Variants in DOCK8 observed in about 807,000 individuals in gnomAD.
DOCK8 encodes dedicator of cytokinesis protein 8.
DOCK8 carries 141 observed loss-of-function variants against 245.6 expected under a neutral mutation model. The ratio of observed to expected loss-of-function variants is 0.57; its 90% confidence interval spans 0.50 to 0.66. The LOEUF is 0.66. DOCK8 is among the 30% of genes least tolerant of loss of function. The probability of loss-of-function intolerance (pLI) is 0.00; values close to 1 mark genes in which losing one functional copy is unlikely to be tolerated. For synonymous variants in DOCK8, 1,168 were observed against 970.2 expected (o/e 1.20, Z -3.79); for missense variants, 2,965 against 2,603.4 (o/e 1.14, Z -3.02).
intron 33 of DOCK8, among the ~76,000 whole-genome samples, chr9:426,326 C>G (rs985001757): frequency 2.6e-5 from 4 of 152,126 alleles, no homozygotes; most frequent in African/African-American, 7.2e-5. Context: ...TGGAAAAGGA[C>G]GAAAGACCCC....
chr9:361,051 C>G (rs2052703454), intron 14 of DOCK8, among the ~76,000 whole-genome samples: 1 of 152,006 alleles, frequency 6.6e-6, no homozygotes, highest in South Asian at 2.1e-4. Context: ...ATCTGTAGTC[C>G]TAGAAACTTA....
At chr9:420,147 C>T (rs970290931) in intron 30 of DOCK8, 35 of 541,834 alleles carry the variant, frequency 6.5e-5, no homozygotes, top group African/African-American at 4.9e-4. Context: ...TACTCAGATA[C>T]GTGGCTGAAA....
chr9:454,752 G>A (rs989827366), intron 46 of DOCK8: 25 of 152,092 alleles, frequency 1.6e-4, no homozygotes, highest in African/African-American at 5.8e-4. Context: ...TATAAATCTT[G>A]CAATCCAGTA....
intron 33 of DOCK8, among the ~76,000 whole-genome samples, chr9:425,538 C>G (rs78886621): frequency 3.7e-5 from 2 of 54,378 alleles, no homozygotes; most frequent in African/African-American, 1.1e-4. Flanking sequence ...GACTCCGTCT[C>G]AAAAAAAAAA....
intron 2 of DOCK8, chr9:273,071 A>C (rs921542169): frequency 1.0e-6 from 1 of 985,296 alleles, no homozygotes; most frequent in East Asian, 1.1e-4. Context: ...GTAACAATTT[A>C]CGCGCCGTGT....
chr9:329,083 G>A (rs552747338), intron 9 of DOCK8, among the ~76,000 whole-genome samples: 2 of 150,954 alleles, frequency 1.3e-5, no homozygotes, highest in Non-Finnish European at 2.9e-5. Flanking sequence ...CCGAGTAGCT[G>A]GGATTATAGG....
At chr9:403,986 A>G (rs1564021998) in intron 26 of DOCK8, among the ~76,000 whole-genome samples, 1 of 79,468 alleles carries the variant, frequency 1.3e-5, no homozygotes, top group African/African-American at 6.8e-5. Flanking sequence ...GTGTATATAT[A>G]TATATGTGTA....
intron 4 of DOCK8, among the ~76,000 whole-genome samples, chr9:292,415 A>G (rs936485839): frequency 1.3e-5 from 2 of 149,870 alleles, no homozygotes; most frequent in Admixed American, 6.6e-5. Flanking sequence ...AAAAAAAAAG[A>G]TTATTGACAC....
chr9:214,967 C>G lies in DOCK8; in HGVS notation c.-10C>G. ...CGCGACCCTAGAAGCCACCGAACCG[C>G]CGGCGGGCCATGGCCACTCTGCCGA... On this transcript the variant is annotated 5_prime_UTR_variant, in exon 1 of 48. Coordinates refer to ENST00000432829, the MANE Select transcript of DOCK8 (RefSeq NM_203447.4). 8 of 1,602,104 alleles carry G rather than the reference C, an allele frequency of 5.0e-6. No homozygotes were observed. Among genetic ancestry groups the G allele is most frequent in the Non-Finnish European group, 6.8e-6 (8 of 1,176,686 alleles).
chr9:458,763 A>G lies in DOCK8; in HGVS notation c.6069-4754A>G, dbSNP rs139621010. On this transcript the variant is annotated intron_variant, in intron 46 of 47. Coordinates refer to ENST00000432829, the MANE Select transcript of DOCK8 (RefSeq NM_203447.4). ...GAGGCAGAGGTTGCAGTGAGCTGAG[A>G]TCATGCCACTGCCTTCCACCCTGCA... Among the ~76,000 whole-genome samples, 850 of 152,224 alleles carry G rather than the reference A, an allele frequency of 5.6e-3. 4 individuals are homozygous for G. The highest frequency in any genetic ancestry group is 0.019 in the African/African-American group (783 of 41,518).
In DOCK8 at chr9:365,587, T is replaced by TC. The variant is rs992149938; in HGVS notation, c.1680-2430dup. 2.2e-5 allele frequency: 10 copies of TC among 454,892 alleles called. No individual in the cohort carries two copies. In the East Asian group the frequency reaches 7.0e-4, roughly 32 times the overall value. 28.2% of individuals were successfully genotyped at this position (454,892 alleles called of 1,614,324 possible). On this transcript the variant is annotated intron_variant, in intron 14 of 47. Transcript: ENST00000432829. ...GTTCAGAGAAGGCTTTTTTTTTTTT[T>TC]CAGAGAAGTCTTCCAGGTTTCAGCT... is the stretch of plus-strand genomic sequence containing the variant.
chr9:364,906 A>T (rs1255479665), intron 14 of DOCK8, among the ~76,000 whole-genome samples: 1 of 152,256 alleles, frequency 6.6e-6, no homozygotes, highest in African/African-American at 2.4e-5. Context: ...CAAATAGAAC[A>T]GTAGGAAGAC....
At chr9:376,184 A>T (rs1198795313) in intron 18 of DOCK8, 26 bp from the exon 19 acceptor site, 1 of 1,516,556 alleles carries the variant, frequency 6.6e-7, no homozygotes, top group East Asian at 2.3e-5. Flanking sequence ...TGGATTGCTA[A>T]TCTTTTTTTT....
At chr9:357,010 A>G (rs1244828876) in intron 14 of DOCK8, among the ~76,000 whole-genome samples, 1 of 152,222 alleles carries the variant, frequency 6.6e-6, no homozygotes, top group Non-Finnish European at 1.5e-5. Flanking sequence ...GATAAGACCT[A>G]AGACCATAAA....
chr9:369,537 G>T (rs2053184424), intron 15 of DOCK8: 1 of 152,712 alleles, frequency 6.5e-6, no homozygotes, highest in Admixed American at 6.5e-5. Context: ...GGATAAGGCA[G>T]TGGAGATTCA....
chr9:433,716 A>G (rs2056797367), intron 37 of DOCK8, among the ~76,000 whole-genome samples, 159 bp from the exon 38 acceptor site: 1 of 152,208 alleles, frequency 6.6e-6, no homozygotes, highest in South Asian at 2.1e-4. Context: ...GGCGAAGATG[A>G]AAACTACAGA....
At chr9:264,519 G>T (rs513300) in intron 1 of DOCK8, among the ~76,000 whole-genome samples, 1 of 151,754 alleles carries the variant, frequency 6.6e-6, no homozygotes, top group African/African-American at 2.4e-5. Flanking sequence ...TATGAGAAAC[G>T]ATAAAACCTG....
chr9:410,024 A>G (rs183255097), intron 28 of DOCK8, among the ~76,000 whole-genome samples: 23 of 152,334 alleles, frequency 1.5e-4, no homozygotes, highest in African/African-American at 5.3e-4. Flanking sequence ...TCATGCTGCT[A>G]TAAAGACATA....
chr9:441,187 T>G, intron 40 of DOCK8, 99 bp from the exon 41 acceptor site: 1 of 1,543,290 alleles, frequency 6.5e-7, no homozygotes, highest in South Asian at 1.1e-5. Context: ...CAACAATAAA[T>G]TCACTCTCCA....
Sources: gnomAD v4.1 joint callset for allele counts (sites outside exome capture counted in the v4.1 genomes callset) on GRCh38, gnomAD v4.1.1 for gene constraint, MANE v1.5 for transcripts, NCBI Gene and HGNC (gene_info 2026-07-23, HGNC 2026-07-21) for gene names.